The following TXK variants were observed in gnomAD, a reference collection of about 807,000 sequenced individuals.
TXK encodes TXK tyrosine kinase, also known as tyrosine-protein kinase TXK.
A neutral mutation model predicts 81.0 loss-of-function variants in TXK; 60 were observed. The observed-to-expected ratio is 0.74, with a 90% CI of 0.60 to 0.92. The LOEUF (loss-of-function observed/expected upper bound fraction) is 0.92, where lower values mean the gene tolerates loss of function less well. Ranked by LOEUF, TXK falls within the 40% of genes least tolerant of loss-of-function variation. The probability of loss-of-function intolerance (pLI) is 0.00; values close to 1 mark genes in which losing one functional copy is unlikely to be tolerated. For synonymous variants in TXK, 203 were observed against 210.7 expected, an observed-to-expected ratio of 0.96 and a Z score of 0.32; for missense variants, 581 against 638.3, an observed-to-expected ratio of 0.91 and a Z score of 0.97.
At chr4:48,118,268 G>T (rs1042974222) in intron 1 of TXK, among the ~76,000 whole-genome samples, 77 of 152,222 alleles carry the variant, frequency 5.1e-4, no homozygotes, top group African/African-American at 1.6e-3. Context: ...ATTTCCTGTT[G>T]GTACACATTT....
At chr4:48,069,330 T>TTC (rs1716744614) in intron 14 of TXK, among the ~76,000 whole-genome samples, 2 of 142,506 alleles carry the variant, frequency 1.4e-5, no homozygotes, top group African/African-American at 5.2e-5. Context: ...TCTTTTCTTT[T>TTC]TTTTTTTTTT....
intron 5 of TXK, among the ~76,000 whole-genome samples, chr4:48,108,919 G>A (rs1465523990): frequency 1.3e-5 from 2 of 152,158 alleles, no homozygotes; most frequent in African/African-American, 2.4e-5. Flanking sequence ...TAGGTAGTGA[G>A]TGTCCATTCA....
Position 48,134,210 on chromosome 4 carries a change from T to C in TXK, c.-40A>G. On this transcript the variant is annotated 5_prime_UTR_variant, in exon 1 of 15. Coordinates refer to ENST00000264316, the MANE Select transcript of TXK (RefSeq NM_003328.3). ...CGGGGAGCACACAACAGTCTTCAGT[T>C]CTTCTGCGGTGCTCTACTCACAAAA... The C allele has an allele frequency of 6.2e-7, 1 of 1,609,996 alleles. No individual in the cohort carries two copies. Among genetic ancestry groups the C allele is most frequent in the South Asian group, 1.1e-5 (1 of 89,776 alleles).
intron 8 of TXK, among the ~76,000 whole-genome samples, chr4:48,090,527 A>G (rs1717724204): frequency 6.6e-6 from 1 of 152,180 alleles, no homozygotes; most frequent in Admixed American, 6.5e-5. Context: ...CCTTTCAGTG[A>G]CCCACTTAGG....
At chr4:48,121,705 A>G (rs113579058) in intron 1 of TXK, among the ~76,000 whole-genome samples, 4,048 of 152,274 alleles carry the variant, frequency 0.027, 165 homozygotes, top group African/African-American at 0.089. Context: ...ATGTCTGTAC[A>G]TGTTCAATAC....
intron 4 of TXK, among the ~76,000 whole-genome samples, chr4:48,111,555 C>T (rs1481895067): frequency 6.6e-6 from 1 of 152,184 alleles, no homozygotes; most frequent in Non-Finnish European, 1.5e-5. Context: ...ATTACACAGT[C>T]CTGAACCTAC....
chr4:48,112,968 T>C (rs1208476132), intron 3 of TXK, among the ~76,000 whole-genome samples: 1 of 152,128 alleles, frequency 6.6e-6, no homozygotes, highest in Non-Finnish European at 1.5e-5. Flanking sequence ...AGCCAGAATA[T>C]GTTTTTTCCC....
intron 1 of TXK, among the ~76,000 whole-genome samples, chr4:48,117,970 T>C (rs1276999687): frequency 1.3e-5 from 2 of 152,202 alleles, no homozygotes; most frequent in African/African-American, 4.8e-5. Flanking sequence ...ACATGGGTCA[T>C]CTTGTCAATC....
At chr4:48,094,003 G>T in intron 8 of TXK, 74 bp downstream of exon 8, 3 of 1,575,506 alleles carry the variant, frequency 1.9e-6, no homozygotes, top group Non-Finnish European at 1.7e-6. Flanking sequence ...CCTGTTGAGT[G>T]CCTGATACCA....
chr4:48,074,094 C>T (rs1716971190), intron 12 of TXK, 41 bp from the exon 13 acceptor site: 1 of 1,444,296 alleles, frequency 6.9e-7, no homozygotes, highest in Non-Finnish European at 9.7e-7. Flanking sequence ...TTAATTACCT[C>T]CAAGCTCTAT....
intron 1 of TXK, among the ~76,000 whole-genome samples, chr4:48,124,280 C>T (rs1719028450): frequency 6.6e-6 from 1 of 152,136 alleles, no homozygotes; most frequent in Non-Finnish European, 1.5e-5. Context: ...CCTTCTAACA[C>T]CCACACCACC....
intron 2 of TXK, 129 bp downstream of exon 2, chr4:48,114,219 C>T (rs779361462): frequency 1.8e-5 from 16 of 871,836 alleles, no homozygotes; most frequent in Non-Finnish European, 2.4e-5. Context: ...AGGCATTCCA[C>T]AGGGAGAAAA....
chr4:48,100,052 G>A (rs1201325610), intron 6 of TXK, among the ~76,000 whole-genome samples: 1 of 150,558 alleles, frequency 6.6e-6, no homozygotes, highest in Non-Finnish European at 1.5e-5. Context: ...GGCGCCTGTA[G>A]TCCCAGCTAC....
At chr4:48,119,332 T>A (rs1002574953) in intron 1 of TXK, among the ~76,000 whole-genome samples, 1 of 152,224 alleles carries the variant, frequency 6.6e-6, no homozygotes, top group Non-Finnish European at 1.5e-5. Context: ...GTTGATCTTC[T>A]AAACCTACAT....
At chr4:48,113,990 G>A (rs1180781201) in intron 2 of TXK, among the ~76,000 whole-genome samples, 1 of 152,140 alleles carries the variant, frequency 6.6e-6, no homozygotes, top group African/African-American at 2.4e-5. Flanking sequence ...AAGATACACC[G>A]GTAGTTTTGG....
chr4:48,122,701 C>A (rs1718990130), intron 1 of TXK, among the ~76,000 whole-genome samples: 1 of 152,120 alleles, frequency 6.6e-6, no homozygotes, highest in Admixed American at 6.5e-5. Context: ...AATATTTGTT[C>A]AGTGAATGAA....
At chr4:48,133,196 G>T (rs1405773266) in intron 1 of TXK, among the ~76,000 whole-genome samples, 3 of 149,914 alleles carry the variant, frequency 2.0e-5, no homozygotes, top group Admixed American at 6.7e-5. Context: ...TATGACGGCT[G>T]CCTTCTTATT....
At chr4:48,132,863 T>C (rs778353176) in intron 1 of TXK, among the ~76,000 whole-genome samples, 4 of 151,918 alleles carry the variant, frequency 2.6e-5, no homozygotes, top group Admixed American at 2.0e-4. Context: ...GGAGAACCAC[T>C]TGAACCCAGG....
intron 14 of TXK, among the ~76,000 whole-genome samples, chr4:48,070,594 T>A (rs965953687): frequency 9.9e-5 from 15 of 152,152 alleles, no homozygotes; most frequent in Non-Finnish European, 2.1e-4. Context: ...TTATTTATTT[T>A]TTGAGACAGA....
Sources: allele counts gnomAD v4.1 joint callset (sites outside exome capture counted in the v4.1 genomes callset), GRCh38; gene constraint gnomAD v4.1.1; transcripts MANE v1.5; gene names NCBI Gene and HGNC (gene_info 2026-07-23, HGNC 2026-07-21).